The following CCNF variants were observed in gnomAD, a reference collection of about 807,000 sequenced individuals.
CCNF encodes the protein cyclin-F.
In CCNF, 30 loss-of-function variants were observed where a neutral mutation model predicts 85.4. That is an observed-to-expected ratio of 0.35 (90% confidence interval 0.26 to 0.48). The LOEUF (loss-of-function observed/expected upper bound fraction) is 0.48, where lower values mean the gene tolerates loss of function less well. Ranked by LOEUF, CCNF falls within the 20% of genes least tolerant of loss-of-function variation. The pLI, the probability that CCNF is intolerant of heterozygous loss-of-function variation, is 0.99. For missense variants in CCNF, 919 were observed against 1,010.4 expected, an observed-to-expected ratio of 0.91 and a Z score of 1.23; for synonymous variants, 439 against 425.1, an observed-to-expected ratio of 1.03 and a Z score of -0.40.
intron 15 of CCNF, among the ~76,000 whole-genome samples, chr16:2,454,378 C>G (rs2065412737): frequency 6.6e-6 from 1 of 152,194 alleles, no homozygotes; most frequent in South Asian, 2.1e-4. Flanking sequence ...CTCCCTGGGG[C>G]CAGGGTCATC....
chr16:2,443,169 TA>T (rs916348358), intron 8 of CCNF, among the ~76,000 whole-genome samples: 1 of 9,842 alleles, frequency 1.0e-4, no homozygotes, highest in Non-Finnish European at 1.5e-4. Context: ...TTATATATAA[TA>T]TATATATAAT....
chr16:2,443,132 T>C lies in CCNF; in HGVS notation c.778-517T>C, dbSNP rs1330810787. 1.9e-4 allele frequency among the ~76,000 whole-genome samples: 26 copies of C among 133,724 alleles called. No individual in the cohort carries two copies. The South Asian group carries it at 5.2e-3, about 27-fold the overall frequency. The allele number at this position is 133,724 out of a possible 152,430, so 87.7% of individuals were successfully genotyped here. On this transcript the variant is annotated intron_variant, in intron 8 of 16. Transcript: ENST00000397066. ...ATAATATATTACATATTATATATTA[T>C]ATGTTTTATATTGTATATAATATAT...
intron 6 of CCNF, among the ~76,000 whole-genome samples, chr16:2,438,889 T>C (rs2065306198): frequency 6.6e-6 from 1 of 151,624 alleles, no homozygotes; most frequent in East Asian, 1.9e-4. Flanking sequence ...TCCTAGCTAC[T>C]TGGGAGGCTG....
In CCNF at chr16:2,448,843, T is replaced by A; in HGVS notation, c.1095-12T>A. ...GTGGGCTCCACCCTGAGACCCCTTC[T>A]CGGCGTTGCAGGTTTATCAGTAAAG... is the stretch of plus-strand genomic sequence containing the variant. On this transcript the variant is annotated splice_polypyrimidine_tract_variant and intron_variant, in intron 10 of 16. Coordinates refer to ENST00000397066, the MANE Select transcript of CCNF (RefSeq NM_001761.3). 6.2e-7 allele frequency: 1 copy of A among 1,613,184 alleles called. No homozygotes were observed. The highest frequency in any genetic ancestry group is 1.1e-5 in the South Asian group (1 of 91,042).
At chr16:2,441,193 C>T (rs2141820157) in intron 8 of CCNF, among the ~76,000 whole-genome samples, 1 of 151,818 alleles carries the variant, frequency 6.6e-6, no homozygotes, top group East Asian at 1.9e-4. Flanking sequence ...GAGATTGTGC[C>T]ACTGCACTCC....
chr16:2,435,666 CATATATATATAT>C lies in CCNF; in HGVS notation c.279-113_279-102del, dbSNP rs71148135. On this transcript the variant is annotated intron_variant, in intron 3 of 16. Coordinates refer to ENST00000397066, the MANE Select transcript of CCNF (RefSeq NM_001761.3). ...ACACATATATATATGCACACACACA[CATATATATATAT>C]ATATATATATATATATATATATATA... 45 of 42,686 alleles carry C rather than the reference CATATATATATAT, an allele frequency of 1.1e-3. 1 individual carries two copies. The highest frequency in any genetic ancestry group is 2.6e-3 in the Admixed American group (10 of 3,912). 2.6% of individuals were successfully genotyped at this position (42,686 alleles called of 1,614,324 possible).
chr16:2,437,883 A>G (rs2065299882), intron 5 of CCNF, 187 bp from the exon 6 acceptor site: 3 of 548,238 alleles, frequency 5.5e-6, no homozygotes, highest in Non-Finnish European at 9.8e-6. Flanking sequence ...TGGGTGACAG[A>G]GCAAGACCCT....
chr16:2,445,931 T>C (rs2065360189), intron 10 of CCNF, among the ~76,000 whole-genome samples: 1 of 152,246 alleles, frequency 6.6e-6, no homozygotes, highest in Non-Finnish European at 1.5e-5. Context: ...GGTTTCATCA[T>C]GTTGGTCAGG....
At position 2,453,967 on chromosome 16, in the gene CCNF, C is replaced by G. The variant is rs2065410165; in HGVS notation, c.1715+430C>G. On this transcript the variant is annotated intron_variant, in intron 15 of 16. Transcript: ENST00000397066. The surrounding 1 kb of genome is among the most constrained non-coding windows in gnomAD (Gnocchi z 5.6). ...GTGTGGACCTGTTTACCCGCCTCTCCTATCTCAGCACCTTGGCTGTTCCTC... is the reference window on the plus strand; with the variant it reads ...GTGTGGACCTGTTTACCCGCCTCTCGTATCTCAGCACCTTGGCTGTTCCTC... 2.0e-5 allele frequency among the ~76,000 whole-genome samples: 3 copies of G among 152,196 alleles called. No individual in the cohort carries two copies. Among genetic ancestry groups the G allele is most frequent in the African/African-American group, 7.2e-5 (3 of 41,452 alleles).
intron 11 of CCNF, 64 bp downstream of exon 11, chr16:2,449,042 G>GCCCCC: frequency 1.3e-5 from 9 of 683,504 alleles, no homozygotes; most frequent in Non-Finnish European, 2.5e-5. Flanking sequence ...GTGGGGGTGG[G>GCCCCC]CATTCAGCTT....
At chr16:2,447,271 T>G (rs1049689231) in intron 10 of CCNF, among the ~76,000 whole-genome samples, 10 of 151,876 alleles carry the variant, frequency 6.6e-5, no homozygotes, top group Non-Finnish European at 1.3e-4. Context: ...CTCTGCCTTA[T>G]TATCTTTTTT....
At position 2,448,987 on chromosome 16, in the gene CCNF, C is replaced by T. The variant is rs768162382; in HGVS notation, c.1218+9C>T. ...TGGAAGGGAAGATTCGAGTAAGCAG[C>T]GGTTCCATTTTCCTTATTAATCTTC... is the stretch of plus-strand genomic sequence containing the variant. On this transcript the variant is annotated intron_variant, in intron 11 of 16. Coordinates refer to ENST00000397066, the MANE Select transcript of CCNF (RefSeq NM_001761.3). The T allele has an allele frequency of 6.8e-6, 11 of 1,606,796 alleles. No individual in the cohort carries two copies. The highest frequency in any genetic ancestry group is 2.2e-5 in the East Asian group (1 of 44,738).
At chr16:2,455,703 C>G in intron 16 of CCNF, 139 bp downstream of exon 16, 1 of 1,356,202 alleles carries the variant, frequency 7.4e-7, no homozygotes, top group Non-Finnish European at 9.6e-7. Flanking sequence ...CAGCTCCTGC[C>G]CCGCCGGGGA....
Position 2,453,548 on chromosome 16 carries a change from C to G in CCNF, c.1715+11C>G. The G allele has an allele frequency of 6.2e-7, 1 of 1,613,872 alleles. No homozygotes were observed. The highest frequency in any genetic ancestry group is 8.5e-7 in the Non-Finnish European group (1 of 1,179,976). On this transcript the variant is annotated intron_variant, in intron 15 of 16. Coordinates refer to ENST00000397066, the MANE Select transcript of CCNF (RefSeq NM_001761.3). This position sits in a 1 kb window ranked among gnomAD's most constrained non-coding sequence, Gnocchi z 5.6. ...GCGGAGAACCAAACGGTTAGTTACCCTGCGTTCTGGCTGCGCCATACAATG... is the reference window on the plus strand; with the variant it reads ...GCGGAGAACCAAACGGTTAGTTACCGTGCGTTCTGGCTGCGCCATACAATG...
intron 8 of CCNF, among the ~76,000 whole-genome samples, chr16:2,441,170 G>A (rs979102571): frequency 5.3e-5 from 8 of 151,978 alleles, no homozygotes; most frequent in Non-Finnish European, 1.0e-4. Flanking sequence ...GGAGGAGGAA[G>A]TTGCAGTGAG....
Position 2,429,711 on chromosome 16 carries a change from A to C in CCNF, c.16+214A>C, listed in dbSNP as rs13337091. On this transcript the variant is annotated intron_variant, in intron 1 of 16. Coordinates refer to ENST00000397066, the MANE Select transcript of CCNF (RefSeq NM_001761.3). Reference sequence around the variant, plus strand: ...CCCGGCGGGCGCCCGAGCCCCTCGGAGCCTTCCCCCGCGGCGACGTTTTCC... The same window carrying C: ...CCCGGCGGGCGCCCGAGCCCCTCGGCGCCTTCCCCCGCGGCGACGTTTTCC... Among the ~76,000 whole-genome samples the C allele has an allele frequency of 0.76, 115,961 of 151,964 alleles. 45,131 individuals carry two copies. The highest frequency in any genetic ancestry group is 0.92 in the African/African-American group (38,209 of 41,518).
rs77490966 is a variant in CCNF, at chr16:2,452,265, C to T, written c.1488-945C>T. The stretch of plus-strand genomic sequence containing the variant: ...CTTCTGTGGCCCATCTGCTTTTTCT[C>T]CCACCATGCTGTGCTCCAGCCACAG... On this transcript the variant is annotated intron_variant, in intron 13 of 16. Coordinates refer to ENST00000397066, the MANE Select transcript of CCNF (RefSeq NM_001761.3). This position sits in a 1 kb window ranked among gnomAD's most constrained non-coding sequence, Gnocchi z 4.1. Among the ~76,000 whole-genome samples, 2,002 of 152,272 alleles carry T rather than the reference C, an allele frequency of 0.013. 42 individuals are homozygous for T. The highest frequency in any genetic ancestry group is 0.044 in the African/African-American group (1,837 of 41,546).
chr16:2,456,966 C>T lies in CCNF; in HGVS notation c.2307C>T (p.Asn769=), dbSNP rs765036806. 6.2e-6 allele frequency: 10 copies of T among 1,611,074 alleles called. No homozygotes were observed. The highest frequency in any genetic ancestry group is 5.5e-5 in the South Asian group (5 of 90,556). The stretch of plus-strand genomic sequence containing the variant: ...CCCAGCAACAGGTGAAGCGGATAAA[C>T]CTATGCATACACAGTGAGGAGGAGG... ...SVPQQQVKRI[N]LCIHSEEEDM... The change falls in exon 17 of 17, where the codon AAC becomes AAT. Residue 769 remains asparagine (N), a synonymous_variant. Coordinates refer to ENST00000397066, the MANE Select transcript of CCNF (RefSeq NM_001761.3). The surrounding 1 kb of genome is among the most constrained non-coding windows in gnomAD (Gnocchi z 4.5).
chr16:2,429,464 A>T lies in CCNF; in HGVS notation c.-18A>T, dbSNP rs548818168. The T allele has an allele frequency of 1.6e-6, 2 of 1,224,726 alleles. No individual in the cohort carries two copies. Among genetic ancestry groups the T allele is most frequent in the East Asian group, 6.5e-5 (2 of 30,822 alleles). The allele number at this position is 1,224,726 out of a possible 1,614,324, so 75.9% of individuals were successfully genotyped here. On this transcript the variant is annotated 5_prime_UTR_variant, in exon 1 of 17. Transcript: ENST00000397066. ...GCGCTCTCAGGCGGGCTCCGGCGGC[A>T]GCGACGCGAGCGCGGCGATGGGGAG...
Sources: gnomAD v4.1 joint callset for allele counts (sites outside exome capture counted in the v4.1 genomes callset) on GRCh38, gnomAD v4.1.1 for gene constraint, Gnocchi (gnomAD v3.1) non-coding constraint, MANE v1.5 for transcripts, NCBI Gene and HGNC (gene_info 2026-07-23, HGNC 2026-07-21) for gene names.